The following UBE3D variants were observed in gnomAD, a reference collection of about 807,000 sequenced individuals.
The protein encoded by UBE3D is ubiquitin protein ligase E3D, also known as E3 ubiquitin-protein ligase E3D.
A neutral mutation model predicts 49.6 loss-of-function variants in UBE3D; 48 were observed. The ratio of observed to expected loss-of-function variants is 0.97; its 90% CI spans 0.77 to 1.23. The LOEUF (loss-of-function observed/expected upper bound fraction) is 1.23, where lower values mean the gene tolerates loss of function less well. Ranked by LOEUF, UBE3D falls within the 50% of genes most tolerant of loss-of-function variation. UBE3D has a pLI of 0.00. For synonymous variants in UBE3D, 189 were observed against 174.2 expected (o/e 1.08, Z -0.67); for missense variants, 452 against 468.4 (o/e 0.96, Z 0.32).
At chr6:83,054,108 G>T in intron 3 of UBE3D, 40 bp downstream of exon 3, 1 of 1,514,632 alleles carries the variant, frequency 6.6e-7, no homozygotes, top group East Asian at 2.3e-5. Context: ...GATAACCATT[G>T]CCAGGCACAG....
intron 8 of UBE3D, among the ~76,000 whole-genome samples, chr6:83,003,721 A>G (rs1282063697): frequency 2.0e-5 from 3 of 152,210 alleles, no homozygotes; most frequent in African/African-American, 7.2e-5. Flanking sequence ...ATCTAAACAT[A>G]TCTAAACACA....
downstream of UBE3D, among the ~76,000 whole-genome samples, chr6:82,887,393 T>TG (rs1554176127): frequency 7.4e-6 from 1 of 135,064 alleles, no homozygotes; most frequent in East Asian, 2.1e-4. Flanking sequence ...GTAACAGTTT[T>TG]TTTTTTTTTT....
At chr6:82,885,704 T>C in the UBE3D span, among the ~76,000 whole-genome samples, 1 of 152,210 alleles carries the variant, frequency 6.6e-6, no homozygotes, top group East Asian at 1.9e-4. Context: ...GCCTGAGCAC[T>C]GAGAAGTCAG....
intron 9 of UBE3D, among the ~76,000 whole-genome samples, chr6:82,924,289 G>T (rs974506108): frequency 6.6e-6 from 1 of 152,098 alleles, no homozygotes; most frequent in Non-Finnish European, 1.5e-5. Flanking sequence ...TTACTTGGAT[G>T]AAATATAGGT....
At chr6:83,063,102 T>C in intron 1 of UBE3D, 1 of 218,982 alleles carries the variant, frequency 4.6e-6, no homozygotes, top group Non-Finnish European at 9.4e-6. Flanking sequence ...AAAATTTCTG[T>C]TCATCAAAGG....
At chr6:82,958,205 CT>C (rs1776305298) in intron 8 of UBE3D, among the ~76,000 whole-genome samples, 1 of 152,110 alleles carries the variant, frequency 6.6e-6, no homozygotes, top group Non-Finnish European at 1.5e-5. Context: ...AGAATCCTGG[CT>C]TCCTGGCTCC....
At chr6:83,001,373 C>T (rs139306731) in intron 8 of UBE3D, among the ~76,000 whole-genome samples, 193 of 152,298 alleles carry the variant, frequency 1.3e-3, no homozygotes, top group African/African-American at 4.2e-3. Context: ...ATTTGCTGAA[C>T]GAATCAATGA....
intron 8 of UBE3D, among the ~76,000 whole-genome samples, chr6:82,975,196 T>G (rs1262269349): frequency 3.3e-5 from 5 of 152,136 alleles, no homozygotes; most frequent in South Asian, 2.1e-4. Flanking sequence ...TCCTAATTAC[T>G]TACAATATCA....
At chr6:82,927,317 T>C (rs1302030755) in intron 9 of UBE3D, among the ~76,000 whole-genome samples, 1 of 151,980 alleles carries the variant, frequency 6.6e-6, no homozygotes, top group Non-Finnish European at 1.5e-5. Flanking sequence ...TTGTTCCTCC[T>C]TCAATATTGT....
At chr6:83,046,625 T>C (rs1783053109) in intron 3 of UBE3D, among the ~76,000 whole-genome samples, 1 of 128,446 alleles carries the variant, frequency 7.8e-6, no homozygotes, top group Admixed American at 1.1e-4. Context: ...AAAGCACATG[T>C]TATAAATGCT....
chr6:83,010,831 T>C (rs1212267406), intron 8 of UBE3D, among the ~76,000 whole-genome samples: 1 of 152,196 alleles, frequency 6.6e-6, no homozygotes, highest in Non-Finnish European at 1.5e-5. Context: ...GCTGATTAGA[T>C]GGTGCCCACC....
At chr6:83,027,433 T>C (rs1219952186) in intron 5 of UBE3D, among the ~76,000 whole-genome samples, 1 of 5,072 alleles carries the variant, frequency 2.0e-4, no homozygotes, top group African/African-American at 6.0e-4. Context: ...AGACTCCGTC[T>C]CAAAAAAAAA....
chr6:83,033,465 C>T (rs568337468), intron 5 of UBE3D, among the ~76,000 whole-genome samples: 3 of 152,180 alleles, frequency 2.0e-5, no homozygotes, highest in South Asian at 4.1e-4. Context: ...GGAGGTGGGA[C>T]CTGGTGGGAG....
intron 9 of UBE3D, among the ~76,000 whole-genome samples, chr6:82,941,238 A>G (rs1358888606): frequency 6.6e-6 from 1 of 152,084 alleles, no homozygotes; most frequent in Non-Finnish European, 1.5e-5. Context: ...TAAAATGTCA[A>G]TACTGGTTAC....
At chr6:82,905,462 G>A (rs931491437) in intron 9 of UBE3D, among the ~76,000 whole-genome samples, 2 of 152,050 alleles carry the variant, frequency 1.3e-5, no homozygotes, top group Admixed American at 6.6e-5. Context: ...TGTTCTGTCT[G>A]TACCAATGAC....
chr6:82,933,119 T>C (rs977911397), intron 9 of UBE3D, among the ~76,000 whole-genome samples: 1 of 152,196 alleles, frequency 6.6e-6, no homozygotes, highest in African/African-American at 2.4e-5. Context: ...TTTATAACAC[T>C]GATAAAAGGC....
chr6:82,910,043 CG>C (rs1265566866), intron 9 of UBE3D, among the ~76,000 whole-genome samples: 1 of 152,074 alleles, frequency 6.6e-6, no homozygotes, highest in African/African-American at 2.4e-5. Context: ...TTGTGATTCC[CG>C]AAAGCTACTT....
chr6:82,961,864 A>G (rs1163863730), intron 8 of UBE3D, among the ~76,000 whole-genome samples: 3 of 151,976 alleles, frequency 2.0e-5, no homozygotes, highest in Non-Finnish European at 4.4e-5. Context: ...CGGGAGGCTG[A>G]GGCAGGAGAA....
chr6:83,055,475 T>C (rs1224450417), intron 2 of UBE3D, among the ~76,000 whole-genome samples: 1 of 152,210 alleles, frequency 6.6e-6, no homozygotes, highest in African/African-American at 2.4e-5. Context: ...TTCTTTAACT[T>C]TGAGCAGATT....
Sources: gnomAD v4.1 joint callset for allele counts (sites outside exome capture counted in the v4.1 genomes callset) on GRCh38, gnomAD v4.1.1 for gene constraint, MANE v1.5 for transcripts, NCBI Gene and HGNC (gene_info 2026-07-23, HGNC 2026-07-21) for gene names.